The following CARMIL1 variants were observed in gnomAD, a reference collection of about 807,000 sequenced individuals.
CARMIL1 encodes capping protein regulator and myosin 1 linker 1.
Under a neutral mutation model 177.1 loss-of-function variants are expected in CARMIL1, and 90 were observed. The ratio of observed to expected loss-of-function variants is 0.51; its 90% CI spans 0.43 to 0.61. The LOEUF is 0.61. CARMIL1 is among the 20% of genes least tolerant of loss of function. The pLI, the probability that CARMIL1 is intolerant of heterozygous loss-of-function variation, is 0.00. For missense variants in CARMIL1, 1,380 were observed against 1,667.0 expected, an observed-to-expected ratio of 0.83 and a Z score of 3.00; for synonymous variants, 577 against 606.2, an observed-to-expected ratio of 0.95 and a Z score of 0.71.
chr6:25,459,269 T>TC (rs56094712), intron 8 of CARMIL1, among the ~76,000 whole-genome samples: 1,205 of 115,558 alleles, frequency 0.01, 8 homozygotes, highest in East Asian at 0.019. Flanking sequence ...TTTCTTTCTT[T>TC]TTTTTTTTTT....
chr6:25,300,861 C>T lies in CARMIL1; in HGVS notation c.138+15952C>T, dbSNP rs571918214. On this transcript the variant is annotated intron_variant, in intron 2 of 36. Coordinates refer to ENST00000329474, the MANE Select transcript of CARMIL1 (RefSeq NM_017640.6). ...TAAGTTACTTAGATAATTAAGTTAG[C>T]TCCAGTTAGAGACCCATAGAATAAA... is the stretch of plus-strand genomic sequence containing the variant. 5.0e-4 allele frequency among the ~76,000 whole-genome samples: 76 copies of T among 152,252 alleles called. 1 individual carries two copies. The highest frequency in any genetic ancestry group is 3.4e-3 in the Middle Eastern group (1 of 294).
chr6:25,413,859 G>A (rs985043273), intron 2 of CARMIL1, among the ~76,000 whole-genome samples: 3 of 152,188 alleles, frequency 2.0e-5, no homozygotes, highest in East Asian at 3.9e-4. Context: ...CAAAGCCAAA[G>A]ATGTGCATTG....
At chr6:25,586,533 C>T (rs1453606823) in intron 31 of CARMIL1, among the ~76,000 whole-genome samples, 1 of 151,310 alleles carries the variant, frequency 6.6e-6, no homozygotes, top group Non-Finnish European at 1.5e-5. Context: ...CAGAGACGCT[C>T]CTCACTTCCC....
chr6:25,280,522 G>A (rs1781000926), intron 1 of CARMIL1, among the ~76,000 whole-genome samples: 1 of 151,872 alleles, frequency 6.6e-6, no homozygotes, highest in Admixed American at 6.6e-5. Context: ...TCCCTATAGG[G>A]GATCTCTTAG....
chr6:25,369,385 T>TTG (rs1357039179), intron 2 of CARMIL1, among the ~76,000 whole-genome samples: 1 of 87,060 alleles, frequency 1.1e-5, no homozygotes, highest in Admixed American at 1.1e-4. Context: ...TTTTGTTTTT[T>TTG]TTTTTTTTTT....
intron 8 of CARMIL1, chr6:25,451,986 G>GCACCCCCCCC: frequency 2.7e-5 from 3 of 112,672 alleles, no homozygotes; most frequent in Non-Finnish European, 3.5e-5. Context: ...CTAGCATCTT[G>GCACCCCCCCC]CCCCCCCCTC....
chr6:25,477,087 C>CAAAA (rs1162798140), intron 11 of CARMIL1, among the ~76,000 whole-genome samples: 1 of 47,450 alleles, frequency 2.1e-5, no homozygotes, highest in African/African-American at 7.1e-5. Flanking sequence ...AATTCCGTCT[C>CAAAA]AAAAAAAAAA....
chr6:25,521,253 C>G (rs1806521297), intron 23 of CARMIL1, among the ~76,000 whole-genome samples: 2 of 152,186 alleles, frequency 1.3e-5, no homozygotes, highest in Non-Finnish European at 2.9e-5. Flanking sequence ...TGTACATATT[C>G]AGCAGGCTTG....
intron 20 of CARMIL1, among the ~76,000 whole-genome samples, chr6:25,514,042 C>T (rs1805715159): frequency 6.6e-6 from 1 of 152,178 alleles, no homozygotes; most frequent in Non-Finnish European, 1.5e-5. Context: ...CAAATGCCCA[C>T]AGGGCTAGGA....
At chr6:25,391,398 A>G (rs1372002077) in intron 2 of CARMIL1, among the ~76,000 whole-genome samples, 1 of 152,198 alleles carries the variant, frequency 6.6e-6, no homozygotes, top group Admixed American at 6.5e-5. Flanking sequence ...GGTGGTGATA[A>G]TGAATGGGCT....
intron 12 of CARMIL1, among the ~76,000 whole-genome samples, chr6:25,484,008 T>C (rs962357950): frequency 6.6e-6 from 1 of 152,212 alleles, no homozygotes; most frequent in Non-Finnish European, 1.5e-5. Flanking sequence ...TCTGCCTGCC[T>C]CAGCCTCCCA....
chr6:25,520,316 A>G lies in CARMIL1; in HGVS notation c.1947A>G (p.Lys649=). ...ASQALKTNPE[K]TEDALQKIEN... ...AAGCCCTAAAAACAAACCCTGAAAAAACAGAAGACGCTCTGCAAAAGGTAT... is the reference window on the plus strand; with the variant it reads ...AAGCCCTAAAAACAAACCCTGAAAAGACAGAAGACGCTCTGCAAAAGGTAT... The change falls in exon 23 of 37, where the codon AAA becomes AAG. Residue 649 remains lysine (K), a synonymous_variant. Transcript: ENST00000329474. 6.4e-7 allele frequency: 1 copy of G among 1,553,724 alleles called. No homozygotes were observed. Among genetic ancestry groups the G allele is most frequent in the Non-Finnish European group, 8.7e-7 (1 of 1,145,746 alleles).
intron 2 of CARMIL1, among the ~76,000 whole-genome samples, chr6:25,300,941 G>A (rs1484187263): frequency 3.9e-5 from 6 of 152,182 alleles, no homozygotes; most frequent in Admixed American, 2.6e-4. Context: ...AATCTGCTTA[G>A]GAAAATGACT....
At chr6:25,390,754 G>C (rs533725815) in intron 2 of CARMIL1, among the ~76,000 whole-genome samples, 82 of 151,620 alleles carry the variant, frequency 5.4e-4, no homozygotes, top group South Asian at 4.6e-3. Context: ...GCAGAGGTGT[G>C]ATCTCGGCTC....
Position 25,554,021 on chromosome 6 carries a change from G to T in CARMIL1, c.2517G>T (p.Leu839Phe). 1 of 1,598,032 alleles carries T rather than the reference G, an allele frequency of 6.3e-7. No homozygotes were observed. Among genetic ancestry groups the T allele is most frequent in the Non-Finnish European group, 8.5e-7 (1 of 1,171,582 alleles). ...DILNKISEVK[L>F]TVASFLSDRI... ...GATTTTCACACAGTGAAGTAAAATT[G>T]ACAGTGGCCTCGTTCCTGTCTGATA... The change falls in exon 28 of 37, where the codon TTG (leucine) becomes TTT (phenylalanine). Residue 839 changes from leucine (L) to phenylalanine (F), a missense_variant. Coordinates refer to ENST00000329474, the MANE Select transcript of CARMIL1 (RefSeq NM_017640.6). The surrounding 1 kb of genome is among the most constrained non-coding windows in gnomAD (Gnocchi z 4.6).
intron 2 of CARMIL1, among the ~76,000 whole-genome samples, chr6:25,338,368 TGA>T (rs1198153433): frequency 6.6e-6 from 1 of 152,226 alleles, no homozygotes; most frequent in Non-Finnish European, 1.5e-5. Context: ...CCACTTGCTA[TGA>T]GAGTGTGCTG....
intron 26 of CARMIL1, among the ~76,000 whole-genome samples, chr6:25,546,912 A>G (rs1292069167): frequency 6.6e-6 from 1 of 151,776 alleles, no homozygotes; most frequent in Non-Finnish European, 1.5e-5. Context: ...AAAAGTAGCC[A>G]GATGTGGTGG....
intron 2 of CARMIL1, among the ~76,000 whole-genome samples, chr6:25,285,230 G>A (rs1781439126): frequency 6.6e-6 from 1 of 152,114 alleles, no homozygotes; most frequent in Admixed American, 6.5e-5. Context: ...TTTGGTGTGT[G>A]GTGGGTGATC....
At position 25,363,830 on chromosome 6, in the gene CARMIL1, C is replaced by T. The variant is rs142141300; in HGVS notation, c.139-56284C>T. The stretch of plus-strand genomic sequence containing the variant: ...TTCACCCAGTTTCTCCCAATGGTAA[C>T]GTGTTGCCTAACAGTATTACAGTAT... On this transcript the variant is annotated intron_variant, in intron 2 of 36. Coordinates refer to ENST00000329474, the MANE Select transcript of CARMIL1 (RefSeq NM_017640.6). 1.7e-3 allele frequency among the ~76,000 whole-genome samples: 265 copies of T among 152,276 alleles called. 2 individuals are homozygous for T. The highest frequency in any genetic ancestry group is 6.0e-3 in the African/African-American group (250 of 41,546).
Sources: allele counts gnomAD v4.1 joint callset (sites outside exome capture counted in the v4.1 genomes callset), GRCh38; gene constraint gnomAD v4.1.1; non-coding constraint Gnocchi (gnomAD v3.1); transcripts MANE v1.5; gene names NCBI Gene and HGNC (gene_info 2026-07-23, HGNC 2026-07-21).